SBNO1: variants seen among roughly 807,000 people sequenced by gnomAD.
The protein encoded by SBNO1 is strawberry notch homolog 1.
In SBNO1, 23 loss-of-function variants were observed where a neutral mutation model predicts 173.6. The observed-to-expected ratio is 0.13, with a 90% CI of 0.10 to 0.19. SBNO1 has a LOEUF of 0.19. Ranked by LOEUF, SBNO1 falls within the 10% of genes least tolerant of loss-of-function variation. SBNO1 has a pLI of 1.00. For synonymous variants in SBNO1, 632 were observed against 571.5 expected (o/e 1.11, Z -1.51); for missense variants, 1,238 against 1,671.2 (o/e 0.74, Z 4.52).
At chr12:123,357,714 C>T (rs1034145590) in intron 1 of SBNO1, among the ~76,000 whole-genome samples, 5 of 152,182 alleles carry the variant, frequency 3.3e-5, no homozygotes, top group Admixed American at 2.6e-4. Context: ...GAGGTCGTGC[C>T]ACTGCACTCC....
At chr12:123,324,562 T>A (rs559612229) in intron 15 of SBNO1, among the ~76,000 whole-genome samples, 1 of 152,152 alleles carries the variant, frequency 6.6e-6, no homozygotes, top group South Asian at 2.1e-4. Context: ...GCTCTCGTGA[T>A]CCACCAGACT....
chr12:123,348,769 A>G lies in SBNO1; in HGVS notation c.133-636T>C, dbSNP rs548682965. ...TGACAGAGCGAGACTCGGTCTCAAA[A>G]AAAACAAATAAATAAAACAAATAAC... On this transcript the variant is annotated intron_variant, in intron 2 of 31. Transcript: ENST00000602398. 1.2e-4 allele frequency among the ~76,000 whole-genome samples: 18 copies of G among 151,998 alleles called. No individual in the cohort carries two copies. In the South Asian group the frequency reaches 2.5e-3, roughly 21 times the overall value.
At chr12:123,298,732 A>ATCTGT (rs1422567528) in intron 30 of SBNO1, among the ~76,000 whole-genome samples, 5 of 152,166 alleles carry the variant, frequency 3.3e-5, no homozygotes, top group Non-Finnish European at 2.9e-5. Flanking sequence ...TGTGTTTGCT[A>ATCTGT]TCTGTTGAAG....
intron 2 of SBNO1, among the ~76,000 whole-genome samples, chr12:123,349,312 G>A (rs1873607834): frequency 6.6e-6 from 1 of 151,930 alleles, no homozygotes; most frequent in Admixed American, 6.6e-5. Flanking sequence ...ACGTTGCCCA[G>A]GCTGGTCTCA....
intron 5 of SBNO1, 135 bp from the exon 6 acceptor site, chr12:123,336,626 A>G (rs1424454087): frequency 1.6e-6 from 1 of 609,344 alleles, no homozygotes; most frequent in Non-Finnish European, 2.9e-6. Context: ...AATACTCCCT[A>G]AAATCTGGGC....
In SBNO1 at chr12:123,328,001, G is replaced by C; in HGVS notation, c.1323C>G (p.Ala441=). 6.2e-7 allele frequency: 1 copy of C among 1,612,372 alleles called. No individual in the cohort carries two copies. Among genetic ancestry groups the C allele is most frequent in the Non-Finnish European group, 8.5e-7 (1 of 1,179,000 alleles). ...GVIVFDECHK[A]KNLCPVGSSK... ...AAGAACCAACAGGACATAAGTTTTT[G>C]GCTTTATGACACTCATCAAACACTA... The change falls in exon 11 of 32, where the codon GCC becomes GCG. Residue 441 remains alanine (A), a synonymous_variant. Coordinates refer to ENST00000602398, the MANE Select transcript of SBNO1 (RefSeq NM_001167856.3).
In SBNO1 at chr12:123,330,842, T is replaced by C. The variant is rs370444926; in HGVS notation, c.1044-333A>G. Among the ~76,000 whole-genome samples, 241 of 152,156 alleles carry C rather than the reference T, an allele frequency of 1.6e-3. 3 individuals are homozygous for C. The highest frequency in any genetic ancestry group is 5.4e-3 in the African/African-American group (226 of 41,542). ...ACTCAAGAGGCTGAGGCAGAACTGC[T>C]TGAGCCCCTGAGGTAGAGGCTGCAG... is the stretch of plus-strand genomic sequence containing the variant. On this transcript the variant is annotated intron_variant, in intron 8 of 31. Coordinates refer to ENST00000602398, the MANE Select transcript of SBNO1 (RefSeq NM_001167856.3).
Position 123,364,741 on chromosome 12 carries a change from A to G in SBNO1, c.-41T>C. 2 of 987,446 alleles carry G rather than the reference A, an allele frequency of 2.0e-6. 1 individual carries two copies. The allele number at this position is 987,446 out of a possible 1,614,324, so 61.2% of individuals were successfully genotyped here. On this transcript the variant is annotated 5_prime_UTR_variant, in exon 1 of 32. Coordinates refer to ENST00000602398, the MANE Select transcript of SBNO1 (RefSeq NM_001167856.3). ...CGGCGCCAGCACAGCTCCTCCCGGGAGGTGTGAGTTTGAAGGACCAGAGGC... is the reference window on the plus strand; with the variant it reads ...CGGCGCCAGCACAGCTCCTCCCGGGGGGTGTGAGTTTGAAGGACCAGAGGC...
chr12:123,345,682 CTTT>C (rs569051179), intron 3 of SBNO1, 112 bp from the exon 4 acceptor site: 4 of 720,520 alleles, frequency 5.6e-6, no homozygotes, highest in Middle Eastern at 3.4e-4. Flanking sequence ...TTTATTATTG[CTTT>C]TTTTTTTTCT....
rs79740794 is a variant in SBNO1 at position 123,330,304 on chromosome 12, A to G, written c.1134+115T>C. ...CTAGCACTCACTATGCTTTCTGTGG[A>G]GTAACATCAAAGTTTTCCAAAAAGT... On this transcript the variant is annotated intron_variant, in intron 9 of 31. Transcript: ENST00000602398. 5.6e-3 allele frequency: 3,754 copies of G among 668,596 alleles called. 106 individuals carry two copies. The African/African-American group carries it at 0.06, about 11-fold the overall frequency. 41.4% of individuals were successfully genotyped at this position (668,596 alleles called of 1,614,324 possible).
rs1170060632 is a variant in SBNO1, at chr12:123,289,739, T to C, written c.*6169A>G. ...TAGTTTGCAAATTCAGTATAAACCA[T>C]GAACAGGATATTTTTCTGATAGCGG... On this transcript the variant is annotated 3_prime_UTR_variant, in exon 32 of 32. Coordinates refer to ENST00000602398, the MANE Select transcript of SBNO1 (RefSeq NM_001167856.3). 2 of 152,224 alleles carry C rather than the reference T, an allele frequency of 1.3e-5. No homozygotes were observed. The highest frequency in any genetic ancestry group is 2.9e-5 in the Non-Finnish European group (2 of 68,032). The allele number at this position is 152,224 out of a possible 1,614,324, so 9.4% of individuals were successfully genotyped here. A position where few individuals can be genotyped will look rare whatever the true frequency, so the allele number is the denominator to read the frequency against.
rs150481265 is a variant in SBNO1, at chr12:123,323,755, C to T, written c.2050G>A (p.Asp684Asn). Residue 684 changes from aspartate (D) to asparagine (N), a missense_variant, in exon 16 of 32, where the codon GAT becomes AAT. Coordinates refer to ENST00000602398, the MANE Select transcript of SBNO1 (RefSeq NM_001167856.3). ...CTGTTGTTACTTGGAGCTGTCAAAT[C>T]GATTCCTAGTAAACTATAAAGTTTT... The part of the protein sequence containing the change: ...RKKLYSLLGI[D>N]LTAPSNNSSP... The T allele has an allele frequency of 1.1e-3, 1,705 of 1,612,818 alleles. 4 individuals carry two copies. Among genetic ancestry groups the T allele is most frequent in the South Asian group, 1.8e-3 (162 of 90,916 alleles).
At chr12:123,334,011 T>C (rs1269564765) in intron 7 of SBNO1, 42 bp downstream of exon 7, 1 of 1,336,962 alleles carries the variant, frequency 7.5e-7, no homozygotes, top group African/African-American at 1.5e-5. Context: ...TTATATAGAA[T>C]AGGATAAAAT....
intron 28 of SBNO1, among the ~76,000 whole-genome samples, chr12:123,308,722 C>T (rs972601542): frequency 6.6e-6 from 1 of 151,994 alleles, no homozygotes; most frequent in African/African-American, 2.4e-5. Context: ...TCTATAATTC[C>T]TTTGGGAGGA....
intron 2 of SBNO1, among the ~76,000 whole-genome samples, chr12:123,350,044 A>C (rs1242018181): frequency 6.6e-6 from 1 of 152,202 alleles, no homozygotes; most frequent in Non-Finnish European, 1.5e-5. Flanking sequence ...GCTTGAGCTC[A>C]GGAGTTCAAG....
intron 1 of SBNO1, chr12:123,363,856 G>A (rs1473374776): frequency 2.0e-6 from 2 of 985,408 alleles, no homozygotes; most frequent in Non-Finnish European, 2.4e-6. Context: ...GGGAGGAGCT[G>A]GATGCCAGGG....
intron 5 of SBNO1, among the ~76,000 whole-genome samples, chr12:123,338,888 ACCCC>A (rs1872182658): frequency 4.0e-4 from 1 of 2,478 alleles, no homozygotes; most frequent in Admixed American, 5.3e-3. Context: ...ACACACACAC[ACCCC>A]GACACACACA....
At chr12:123,346,823 A>AT (rs1332694483) in intron 3 of SBNO1, among the ~76,000 whole-genome samples, 1 of 152,066 alleles carries the variant, frequency 6.6e-6, no homozygotes. Context: ...CACATCTGTA[A>AT]TCCCAGCACT....
intron 5 of SBNO1, among the ~76,000 whole-genome samples, chr12:123,339,518 C>T (rs1308450308): frequency 6.6e-6 from 1 of 152,018 alleles, no homozygotes; most frequent in Admixed American, 6.6e-5. Context: ...CAATTCAGCA[C>T]AGGGCACCTT....
Sources: gnomAD v4.1 joint callset for allele counts (sites outside exome capture counted in the v4.1 genomes callset) on GRCh38, gnomAD v4.1.1 for gene constraint, MANE v1.5 for transcripts, NCBI Gene and HGNC (gene_info 2026-07-23, HGNC 2026-07-21) for gene names.